The following TARP variants were observed in gnomAD, a reference collection of about 807,000 sequenced individuals.
chr7:38,262,173 T>A, the TARP span: 1 of 1,611,842 alleles, frequency 6.2e-7, no homozygotes, highest in Admixed American at 1.7e-5. Flanking sequence ...AAGCTTACCA[T>A]TTGCATCTTT....
chr7:38,272,480 C>T, the TARP span, among the ~76,000 whole-genome samples: 1 of 140,046 alleles, frequency 7.1e-6, no homozygotes, highest in Non-Finnish European at 1.5e-5. Context: ...GTGAAAAAGC[C>T]AGATCTATTA....
chr7:38,264,100 GT>G, the TARP span, among the ~76,000 whole-genome samples: 1 of 85,368 alleles, frequency 1.2e-5, no homozygotes, highest in South Asian at 2.6e-4. Flanking sequence ...ATCAAGGTTG[GT>G]TGCAAGTGTG....
the TARP span, among the ~76,000 whole-genome samples, chr7:38,263,258 A>T: frequency 6.6e-6 from 1 of 151,988 alleles, no homozygotes; most frequent in African/African-American, 2.4e-5. Flanking sequence ...GAGTTGTATT[A>T]TGTATGGCCC....
chr7:38,268,975 T>C, the TARP span, among the ~76,000 whole-genome samples: 2 of 151,612 alleles, frequency 1.3e-5, no homozygotes, highest in African/African-American at 2.4e-5. Context: ...GCAATTCTTA[T>C]ACAACCCTGC....
the TARP span, chr7:38,262,106 ATTT>A: frequency 7.1e-7 from 1 of 1,410,740 alleles, no homozygotes; most frequent in African/African-American, 1.5e-5. Flanking sequence ...CCATTCCCTG[ATTT>A]TTCAAGCCAG....
At chr7:38,269,446 T>G in the TARP span, 1 of 539,290 alleles carries the variant, frequency 1.9e-6, no homozygotes, top group Admixed American at 2.3e-5. Context: ...AATTTCCTGC[T>G]TTCCCTCTAT....
chr7:38,261,958 T>A, the TARP span, among the ~76,000 whole-genome samples: 3,581 of 151,114 alleles, frequency 0.024, 170 homozygotes, highest in African/African-American at 0.082. Flanking sequence ...CATATCACTA[T>A]ACCACTGTAC....
chr7:38,271,509 A>G, the TARP span, among the ~76,000 whole-genome samples: 1 of 151,334 alleles, frequency 6.6e-6, no homozygotes, highest in Non-Finnish European at 1.5e-5. Context: ...CATGAAATGA[A>G]CTCAATGATG....
the TARP span, chr7:38,262,299 A>G: frequency 9.3e-7 from 1 of 1,076,300 alleles, no homozygotes; most frequent in Non-Finnish European, 1.4e-6. Flanking sequence ...ACCTGTCGAC[A>G]GAGAGGCAGG....
the TARP span, chr7:38,262,296 G>A: frequency 7.6e-5 from 83 of 1,094,444 alleles, 1 homozygote; most frequent in African/African-American, 5.5e-4. Flanking sequence ...AAAACCTGTC[G>A]ACAGAGAGGC....
chr7:38,261,524 A>G, the TARP span, among the ~76,000 whole-genome samples: 1 of 151,586 alleles, frequency 6.6e-6, no homozygotes, highest in Non-Finnish European at 1.5e-5. Context: ...CAAAGACTAA[A>G]ACAAAACAAC....
chr7:38,271,403 T>C, the TARP span, among the ~76,000 whole-genome samples: 14 of 151,584 alleles, frequency 9.2e-5, 1 homozygote, highest in East Asian at 2.3e-3. Context: ...GGAGGTGCCT[T>C]ATGTATGGTA....
chr7:38,269,002 T>A, the TARP span, among the ~76,000 whole-genome samples: 16 of 151,840 alleles, frequency 1.1e-4, no homozygotes, highest in East Asian at 3.1e-3. Flanking sequence ...CATACTGTTA[T>A]CCCATTTTAT....
chr7:38,262,708 G>A, the TARP span, among the ~76,000 whole-genome samples: 5 of 151,582 alleles, frequency 3.3e-5, no homozygotes, highest in South Asian at 4.2e-4. Context: ...GTGGAGTATA[G>A]TACGGTGTCA....
chr7:38,262,349 C>A, the TARP span: 2 of 706,466 alleles, frequency 2.8e-6, no homozygotes. Flanking sequence ...ATTCCAGAAA[C>A]AATTGGTCTA....
chr7:38,272,528 CAAACAA>C, the TARP span, among the ~76,000 whole-genome samples: 34 of 140,188 alleles, frequency 2.4e-4, no homozygotes, highest in Non-Finnish European at 2.9e-4. Context: ...GTAAAACAAA[CAAACAA>C]AAAGCAGAGA....
At chr7:38,265,590 G>A in the TARP span, 33 of 1,611,928 alleles carry the variant, frequency 2.0e-5, no homozygotes, top group East Asian at 6.5e-4. Flanking sequence ...GAAGACAAAG[G>A]TATGTTCCAG....
the TARP span, chr7:38,273,615 A>T: frequency 6.3e-7 from 1 of 1,598,308 alleles, no homozygotes; most frequent in East Asian, 2.2e-5. Context: ...TTCCGGGACC[A>T]AATACCTTGA....
At chr7:38,272,223 A>T in the TARP span, among the ~76,000 whole-genome samples, 1 of 150,710 alleles carries the variant, frequency 6.6e-6, no homozygotes, top group Non-Finnish European at 1.5e-5. Flanking sequence ...GTGTATAAAG[A>T]CCTTTCGTGG....
Sources: gnomAD v4.1 joint callset for allele counts (sites outside exome capture counted in the v4.1 genomes callset) on GRCh38, gnomAD v4.1.1 for gene constraint, MANE v1.5 for transcripts.